Variants in RNMT observed in about 807,000 individuals in gnomAD.
RNMT encodes RNA guanine-7 methyltransferase, also known as mRNA cap guanine-N(7) methyltransferase.
Under a neutral mutation model 56.0 loss-of-function variants are expected in RNMT, and 27 were observed. The ratio of observed to expected loss-of-function variants is 0.48; its 90% CI spans 0.36 to 0.67. RNMT has a LOEUF of 0.67. RNMT is among the 30% of genes least tolerant of loss of function. The probability of loss-of-function intolerance (pLI) is 0.00; values close to 1 mark genes in which losing one functional copy is unlikely to be tolerated. For synonymous variants in RNMT, 184 were observed against 176.2 expected (o/e 1.04, Z -0.35); for missense variants, 519 against 552.1 (o/e 0.94, Z 0.60).
intron 1 of RNMT, among the ~76,000 whole-genome samples, chr18:13,727,577 TCAAA>T (rs1252406765): frequency 2.0e-5 from 3 of 152,248 alleles, no homozygotes; most frequent in African/African-American, 7.2e-5. Flanking sequence ...ATTTGTCATC[TCAAA>T]CATTTATCTT....
chr18:13,741,569 G>T lies in RNMT; in HGVS notation c.852G>T (p.Gln284His). ...PQMCFDICSCQFVCHYSFESY... is the reference protein window; with the variant it reads ...PQMCFDICSCHFVCHYSFESY... ...TGTGTTTTGACATCTGCAGTTGTCA[G>T]TTTGTCTGTCATTACTCATTTGAGT... The change falls in exon 7 of 12, where the codon CAG (glutamine) becomes CAT (histidine). Residue 284 changes from glutamine to histidine, a missense_variant. Coordinates refer to ENST00000383314, the MANE Select transcript of RNMT (RefSeq NM_003799.3). 1 of 1,613,802 alleles carries T rather than the reference G, an allele frequency of 6.2e-7. No homozygotes were observed. Among genetic ancestry groups the T allele is most frequent in the Admixed American group, 1.7e-5 (1 of 59,994 alleles).
chr18:13,757,706 C>G (rs1432709157), intron 11 of RNMT, among the ~76,000 whole-genome samples: 1 of 152,160 alleles, frequency 6.6e-6, no homozygotes, highest in Non-Finnish European at 1.5e-5. Flanking sequence ...TCCAGTTCTT[C>G]TAAACTTGCG....
At chr18:13,753,885 A>G (rs577571309) in intron 10 of RNMT, among the ~76,000 whole-genome samples, 1 of 151,292 alleles carries the variant, frequency 6.6e-6, no homozygotes, top group Non-Finnish European at 1.5e-5. Context: ...CCTTTGGATG[A>G]GAATTTGAGA....
At chr18:13,752,941 A>C (rs2044476119) in intron 10 of RNMT, among the ~76,000 whole-genome samples, 1 of 152,254 alleles carries the variant, frequency 6.6e-6, no homozygotes, top group South Asian at 2.1e-4. Flanking sequence ...CACATCTGGA[A>C]AAATGACATC....
intron 10 of RNMT, 104 bp from the exon 11 acceptor site, chr18:13,754,010 T>G: frequency 1.6e-6 from 1 of 637,168 alleles, no homozygotes; most frequent in South Asian, 1.9e-5. Context: ...GTATTTACAG[T>G]GAAGTTAGGG....
Position 13,741,507 on chromosome 18 carries a change from C to T in RNMT, c.793-3C>T. On this transcript the variant is annotated splice_region_variant and splice_polypyrimidine_tract_variant and intron_variant, in intron 6 of 11. Coordinates refer to ENST00000383314, the MANE Select transcript of RNMT (RefSeq NM_003799.3). ...AATCTTAACTCATTTTAATTTGTTT[C>T]AGGAACTTCTGATTGACAAATTTCG... 3.1e-6 allele frequency: 5 copies of T among 1,606,132 alleles called. No homozygotes were observed. The highest frequency in any genetic ancestry group is 1.1e-5 in the South Asian group (1 of 89,598).
At position 13,731,844 on chromosome 18, in the gene RNMT, T is replaced by C; in HGVS notation, c.327T>C (p.Thr109=). 6.2e-7 allele frequency: 1 copy of C among 1,613,176 alleles called. No individual in the cohort carries two copies. Among genetic ancestry groups the C allele is most frequent in the Non-Finnish European group, 8.5e-7 (1 of 1,179,786 alleles). ...EGNSKKRKRE[T]EDVPKDKSST... ...ATTCAAAGAAAAGAAAAAGAGAAAC[T>C]GAGGATGTTCCAAAAGATAAATCTT... The change falls in exon 3 of 12, where the codon ACT becomes ACC. Residue 109 remains threonine (T), a synonymous_variant. Coordinates refer to ENST00000383314, the MANE Select transcript of RNMT (RefSeq NM_003799.3).
intron 9 of RNMT, among the ~76,000 whole-genome samples, chr18:13,746,709 T>TA (rs1280731203): frequency 6.6e-6 from 1 of 152,212 alleles, no homozygotes; most frequent in African/African-American, 2.4e-5. Flanking sequence ...TGTCCCCAGT[T>TA]ACGATAACCA....
chr18:13,726,938 C>G (rs1302835289), intron 1 of RNMT: 13 of 152,460 alleles, frequency 8.5e-5, no homozygotes, highest in Admixed American at 8.5e-4. Context: ...CGCTGTTCCT[C>G]CTCCAGACTG....
intron 9 of RNMT, among the ~76,000 whole-genome samples, chr18:13,747,097 A>G (rs143814972): frequency 1.3e-5 from 2 of 152,368 alleles, no homozygotes; most frequent in Non-Finnish European, 2.9e-5. Context: ...CATCAAATGG[A>G]CATTAAACTT....
At chr18:13,756,994 T>G (rs1301011215) in intron 11 of RNMT, among the ~76,000 whole-genome samples, 3 of 152,224 alleles carry the variant, frequency 2.0e-5, no homozygotes, top group Non-Finnish European at 4.4e-5. Context: ...TTGGAGATAC[T>G]GCAAGTTCAG....
At chr18:13,740,125 C>T (rs368372649) in intron 5 of RNMT, 42 bp from the exon 6 acceptor site, 17 of 1,163,936 alleles carry the variant, frequency 1.5e-5, no homozygotes, top group East Asian at 9.5e-5. Context: ...AGATTTCTGG[C>T]ATTCTGTGTT....
intron 8 of RNMT, among the ~76,000 whole-genome samples, chr18:13,744,033 A>G (rs564738491): frequency 9.2e-5 from 14 of 152,046 alleles, no homozygotes; most frequent in African/African-American, 3.4e-4. Context: ...TAATTGTGGA[A>G]TGTTATTGAG....
chr18:13,735,138 A>C (rs969456790), intron 4 of RNMT, among the ~76,000 whole-genome samples: 2 of 152,192 alleles, frequency 1.3e-5, no homozygotes, highest in African/African-American at 2.4e-5. Flanking sequence ...TGCTCTGTAT[A>C]TTTAGTGCAT....
Position 13,746,224 on chromosome 18 carries a change from G to T in RNMT, c.1144G>T (p.Ala382Ser). Reference protein sequence around the residue: ...LVYFPLLNEMAKKYNMKLVYK... With the variant: ...LVYFPLLNEMSKKYNMKLVYK... ...TAAGTATTCTTTTTTGGACAGAATG[G>T]CAAAGAAGTACAATATGAAACTAGT... is the stretch of plus-strand genomic sequence containing the variant. Residue 382 changes from alanine to serine, a missense_variant, in exon 9 of 12, where the codon GCA becomes TCA. By Grantham distance (99) the Ala-to-Ser change is moderately conservative (BLOSUM62 1). Coordinates refer to ENST00000383314, the MANE Select transcript of RNMT (RefSeq NM_003799.3). 6.9e-7 allele frequency: 1 copy of T among 1,459,188 alleles called. No individual in the cohort carries two copies. Among genetic ancestry groups the T allele is most frequent in the Non-Finnish European group, 9.4e-7 (1 of 1,060,650 alleles). The allele number at this position is 1,459,188 out of a possible 1,614,324, so 90.4% of individuals were successfully genotyped here.
intron 3 of RNMT, among the ~76,000 whole-genome samples, chr18:13,732,511 A>G (rs1415788884): frequency 1.3e-5 from 2 of 152,160 alleles, no homozygotes; most frequent in Admixed American, 6.5e-5. Context: ...ATACTGTTTT[A>G]GTTAAGTGAA....
chr18:13,754,872 G>A (rs2044517112), intron 11 of RNMT, among the ~76,000 whole-genome samples: 1 of 152,224 alleles, frequency 6.6e-6, no homozygotes, highest in Admixed American at 6.5e-5. Context: ...AGCAGGATGT[G>A]TTAGAGGTGT....
At chr18:13,752,661 T>C (rs2044469372) in intron 10 of RNMT, among the ~76,000 whole-genome samples, 1 of 152,176 alleles carries the variant, frequency 6.6e-6, no homozygotes, top group African/African-American at 2.4e-5. Context: ...GTGAAAAAAT[T>C]ACAGGGTTGG....
At chr18:13,753,850 C>CAA (rs2044498117) in intron 10 of RNMT, among the ~76,000 whole-genome samples, 1 of 149,048 alleles carries the variant, frequency 6.7e-6, no homozygotes, top group Non-Finnish European at 1.5e-5. Flanking sequence ...CACACACACA[C>CAA]AATGCCCTCT....
Sources: gnomAD v4.1 joint callset for allele counts (sites outside exome capture counted in the v4.1 genomes callset) on GRCh38, gnomAD v4.1.1 for gene constraint, MANE v1.5 for transcripts, NCBI Gene and HGNC (gene_info 2026-07-23, HGNC 2026-07-21) for gene names.